Variants in WIPI2 observed in about 807,000 individuals in gnomAD.
The protein encoded by WIPI2 is WD repeat domain, phosphoinositide interacting 2.
In WIPI2, 28 loss-of-function variants were observed where a neutral mutation model predicts 52.3. The ratio of observed to expected loss-of-function variants is 0.54; its 90% CI spans 0.40 to 0.73. The LOEUF (loss-of-function observed/expected upper bound fraction) is 0.73, where lower values mean the gene tolerates loss of function less well. Ranked by LOEUF, WIPI2 falls within the 30% of genes least tolerant of loss-of-function variation. The probability of loss-of-function intolerance (pLI) is 0.00; values close to 1 mark genes in which losing one functional copy is unlikely to be tolerated. For missense variants in WIPI2, 506 were observed against 602.9 expected, an observed-to-expected ratio of 0.84 and a Z score of 1.68; for synonymous variants, 268 against 245.0, an observed-to-expected ratio of 1.09 and a Z score of -0.88.
At chr7:5,222,799 T>C (rs1456773740) in intron 8 of WIPI2, 127 bp downstream of exon 8, 2 of 916,932 alleles carry the variant, frequency 2.2e-6, no homozygotes, top group Non-Finnish European at 3.4e-6. Context: ...CCCGGCTGGG[T>C]CACCGGGTAA....
intron 7 of WIPI2, among the ~76,000 whole-genome samples, chr7:5,220,223 A>T (rs1181626555): frequency 6.8e-6 from 1 of 147,102 alleles, no homozygotes; most frequent in Non-Finnish European, 1.5e-5. Flanking sequence ...TTCTACACTT[A>T]GGTCATCTGC....
intron 10 of WIPI2, 83 bp from the exon 11 acceptor site, chr7:5,228,021 G>A (rs760825367): frequency 1.7e-5 from 23 of 1,349,572 alleles, no homozygotes; most frequent in Admixed American, 1.1e-4. Context: ...CTCTTTCCTC[G>A]CCTGCCAAAA....
At chr7:5,193,394 G>A (rs561874712) in intron 2 of WIPI2, 6 of 1,278,674 alleles carry the variant, frequency 4.7e-6, no homozygotes, top group African/African-American at 1.5e-5. Context: ...TAAAAGGGAT[G>A]GAATGAAGAA....
chr7:5,217,046 C>T (rs1782848452), intron 5 of WIPI2, 44 bp from the exon 6 acceptor site: 3 of 1,571,574 alleles, frequency 1.9e-6, no homozygotes, highest in East Asian at 2.3e-5. Context: ...AGAAGGAACT[C>T]TCAGGTGGAA....
At chr7:5,214,821 C>T (rs1161044807) in intron 4 of WIPI2, 117 bp downstream of exon 4, 5 of 1,186,642 alleles carry the variant, frequency 4.2e-6, no homozygotes, top group Non-Finnish European at 6.1e-6. Context: ...CCCCACGTTG[C>T]CGGGCACAGA....
chr7:5,214,292 T>C, intron 3 of WIPI2: 1 of 1,500,264 alleles, frequency 6.7e-7, no homozygotes, highest in South Asian at 1.3e-5. Context: ...AAAGGAACCT[T>C]TGTCTTTCGT....
intron 3 of WIPI2, among the ~76,000 whole-genome samples, chr7:5,200,743 G>T (rs1233151562): frequency 3.3e-5 from 5 of 152,176 alleles, no homozygotes; most frequent in African/African-American, 1.2e-4. Context: ...TCGCTCCTGG[G>T]CCCTGGCCTC....
At position 5,227,108 on chromosome 7, in the gene WIPI2, CTG is replaced by C; in HGVS notation, c.849-67_849-66del. Reference sequence around the variant, plus strand: ...TGCTGTCGGCTCCAGAGCTGTGCGTCTGTGTGAGTAGGGGGTGGCCGTCCCCC... The same window carrying C: ...TGCTGTCGGCTCCAGAGCTGTGCGTCTGTGAGTAGGGGGTGGCCGTCCCCC... On this transcript the variant is annotated intron_variant, in intron 9 of 12. Transcript: ENST00000288828. The surrounding 1 kb of genome is among the most constrained non-coding windows in gnomAD (Gnocchi z 8.1). 6.3e-7 allele frequency: 1 copy of C among 1,585,566 alleles called. No homozygotes were observed. The highest frequency in any genetic ancestry group is 8.6e-7 in the Non-Finnish European group (1 of 1,163,522).
chr7:5,198,584 G>A (rs969830762), intron 2 of WIPI2, among the ~76,000 whole-genome samples: 1 of 152,160 alleles, frequency 6.6e-6, no homozygotes, highest in South Asian at 2.1e-4. Flanking sequence ...AAAGTGCTGG[G>A]ATTATAGGCA....
chr7:5,200,712 A>G (rs1440577632), intron 3 of WIPI2, among the ~76,000 whole-genome samples: 1 of 152,134 alleles, frequency 6.6e-6, no homozygotes, highest in African/African-American at 2.4e-5. Context: ...CTGGCCCGCC[A>G]GCAGGTGCGG....
At position 5,218,029 on chromosome 7, in the gene WIPI2, C is replaced by A; in HGVS notation, c.669+15C>A. ...CTTCGGAGAAGGTGAGTCTGCTTTT[C>A]CCCGGGGGAGCACTGGTGCCAAGGC... On this transcript the variant is annotated intron_variant, in intron 7 of 12. Transcript: ENST00000288828. The A allele has an allele frequency of 6.2e-7, 1 of 1,613,718 alleles. No individual in the cohort carries two copies. The highest frequency in any genetic ancestry group is 8.5e-7 in the Non-Finnish European group (1 of 1,179,628).
chr7:5,197,420 C>T (rs1294335953), intron 2 of WIPI2, among the ~76,000 whole-genome samples: 4 of 152,098 alleles, frequency 2.6e-5, no homozygotes, highest in East Asian at 1.9e-4. Context: ...AGGGATATTA[C>T]TCTATTCTTC....
chr7:5,222,975 CG>C (rs1783221646), intron 8 of WIPI2, among the ~76,000 whole-genome samples: 1 of 152,190 alleles, frequency 6.6e-6, no homozygotes, highest in African/African-American at 2.4e-5. Context: ...AGGGACGGGG[CG>C]GCGACGTCAT....
chr7:5,217,347 C>T, intron 6 of WIPI2, 160 bp downstream of exon 6: 2 of 747,336 alleles, frequency 2.7e-6, no homozygotes, highest in African/African-American at 1.7e-5. Flanking sequence ...CTCTGTCGCC[C>T]ATGCTGGAGT....
intron 3 of WIPI2, among the ~76,000 whole-genome samples, chr7:5,210,357 C>T (rs1782495183): frequency 1.3e-5 from 2 of 152,236 alleles, no homozygotes; most frequent in Admixed American, 6.5e-5. Context: ...GGACGTGTCT[C>T]ATTTCCTCTT....
intron 2 of WIPI2, among the ~76,000 whole-genome samples, chr7:5,198,107 G>T (rs140812507): frequency 3.1e-4 from 47 of 152,228 alleles, no homozygotes; most frequent in African/African-American, 1.1e-3. Flanking sequence ...CCAATCCTCT[G>T]CTTTTTCCTT....
At chr7:5,217,472 A>T (rs1782875203) in intron 6 of WIPI2, 1 of 416,424 alleles carries the variant, frequency 2.4e-6, no homozygotes, top group Admixed American at 3.7e-5. Flanking sequence ...CTAATTTTTT[A>T]TTTTTGTAGA....
chr7:5,196,230 C>T (rs904316331), intron 2 of WIPI2, among the ~76,000 whole-genome samples: 9 of 151,642 alleles, frequency 5.9e-5, no homozygotes, highest in African/African-American at 1.9e-4. Context: ...TCCCAGCTAC[C>T]TGGAACTACC....
intron 3 of WIPI2, among the ~76,000 whole-genome samples, chr7:5,200,219 G>C (rs563852115): frequency 6.6e-6 from 1 of 152,302 alleles, no homozygotes; most frequent in East Asian, 1.9e-4. Flanking sequence ...ATGCAGGTCT[G>C]TAAGATTATT....
Sources: allele counts gnomAD v4.1 joint callset (sites outside exome capture counted in the v4.1 genomes callset), GRCh38; gene constraint gnomAD v4.1.1; non-coding constraint Gnocchi (gnomAD v3.1); transcripts MANE v1.5; gene names NCBI Gene and HGNC (gene_info 2026-07-23, HGNC 2026-07-21).